Variants in ADAMTSL1 observed in about 807,000 individuals in gnomAD.
The protein encoded by ADAMTSL1 is ADAMTS-like protein 1.
In ADAMTSL1, 126 loss-of-function variants were observed where a neutral mutation model predicts 201.8. The ratio of observed to expected loss-of-function variants is 0.62; its 90% CI spans 0.54 to 0.72. The LOEUF (loss-of-function observed/expected upper bound fraction) is 0.72. ADAMTSL1 is among the 30% of genes least tolerant of loss of function. ADAMTSL1 has a pLI of 0.00. For missense variants in ADAMTSL1, 2,679 were observed against 2,277.8 expected (o/e 1.18, Z -3.59); for synonymous variants, 1,121 against 903.4 (o/e 1.24, Z -4.32).
At chr9:18,402,929 A>G (rs1488209280) in intron 2 of ADAMTSL1, among the ~76,000 whole-genome samples, 2 of 152,168 alleles carry the variant, frequency 1.3e-5, no homozygotes, top group African/African-American at 4.8e-5. Context: ...CTCAACGTGC[A>G]TTCTCATTTG....
At chr9:17,928,497 G>T (rs1826645231) in intron 1 of ADAMTSL1, among the ~76,000 whole-genome samples, 1 of 152,156 alleles carries the variant, frequency 6.6e-6, no homozygotes, top group African/African-American at 2.4e-5. Context: ...CAGAGCCAAG[G>T]AGGATTCTTG....
intron 2 of ADAMTSL1, among the ~76,000 whole-genome samples, chr9:18,191,972 G>A (rs921697139): frequency 1.3e-5 from 2 of 152,232 alleles, no homozygotes; most frequent in African/African-American, 2.4e-5. Context: ...TCTGATAAGT[G>A]CAATTAAGAT....
intron 2 of ADAMTSL1, among the ~76,000 whole-genome samples, chr9:18,510,522 C>G (rs554152972): frequency 1.3e-5 from 2 of 152,216 alleles, no homozygotes; most frequent in East Asian, 3.9e-4. Flanking sequence ...TACCCTTTTT[C>G]TGAGGTTTGC....
rs1163393020 is a variant in ADAMTSL1, at chr9:18,718,094, T to A, written c.1877-3442T>A. On this transcript the variant is annotated intron_variant, in intron 14 of 28. Coordinates refer to ENST00000380548, the MANE Select transcript of ADAMTSL1 (RefSeq NM_001040272.6). The stretch of plus-strand genomic sequence containing the variant: ...ATTTATTTTGAATTTTGTAGAAGAA[T>A]CTAAGAATGCACAGTTGTTCCATTG... 2.3e-6 allele frequency: 3 copies of A among 1,332,664 alleles called. No individual in the cohort carries two copies. The African/African-American group carries it at 4.3e-5, about 19-fold the overall frequency. The allele number at this position is 1,332,664 out of a possible 1,614,324, so 82.6% of individuals were successfully genotyped here.
At chr9:18,315,214 T>C (rs114322485) in intron 2 of ADAMTSL1, among the ~76,000 whole-genome samples, 2,852 of 152,186 alleles carry the variant, frequency 0.019, 44 homozygotes, top group African/African-American at 0.051. Flanking sequence ...TTGACAAATC[T>C]TGAGCTAGAC....
At chr9:18,344,216 T>A (rs1835597700) in intron 2 of ADAMTSL1, among the ~76,000 whole-genome samples, 1 of 152,124 alleles carries the variant, frequency 6.6e-6, no homozygotes, top group South Asian at 2.1e-4. Context: ...GCTCTAATGA[T>A]TTTTTTCATT....
intron 17 of ADAMTSL1, among the ~76,000 whole-genome samples, chr9:18,771,735 G>GTTTTTTTTTTTTTTA (rs754025785): frequency 8.6e-6 from 1 of 116,632 alleles, no homozygotes; most frequent in Non-Finnish European, 1.7e-5. Context: ...TTTTTTTTTG[G>GTTTTTTTTTTTTTTA]ATAGTATACA....
intron 8 of ADAMTSL1, among the ~76,000 whole-genome samples, chr9:18,658,962 C>T (rs945407587): frequency 9.2e-5 from 14 of 152,244 alleles, no homozygotes; most frequent in African/African-American, 2.6e-4. Flanking sequence ...CAAATTCTTT[C>T]CAGAAGGATA....
intron 2 of ADAMTSL1, among the ~76,000 whole-genome samples, chr9:18,445,628 A>T (rs1198561153): frequency 6.6e-6 from 1 of 152,202 alleles, no homozygotes; most frequent in Non-Finnish European, 1.5e-5. Flanking sequence ...TACACCAAAA[A>T]AGAAAATACT....
At chr9:18,070,264 G>A (rs1248767295) in intron 1 of ADAMTSL1, among the ~76,000 whole-genome samples, 1 of 152,212 alleles carries the variant, frequency 6.6e-6, no homozygotes, top group Non-Finnish European at 1.5e-5. Flanking sequence ...GGAGTGGATA[G>A]CCAGTCCTTC....
chr9:18,313,167 C>G (rs576648920), intron 2 of ADAMTSL1, among the ~76,000 whole-genome samples: 1 of 152,318 alleles, frequency 6.6e-6, no homozygotes, highest in Admixed American at 6.5e-5. Context: ...GGGTAAGGCC[C>G]AATAACTTGC....
At chr9:18,599,518 C>G (rs1824487656) in intron 4 of ADAMTSL1, among the ~76,000 whole-genome samples, 1 of 152,132 alleles carries the variant, frequency 6.6e-6, no homozygotes, top group African/African-American at 2.4e-5. Context: ...AAAACATGCT[C>G]TCTTAGGCAG....
intron 2 of ADAMTSL1, among the ~76,000 whole-genome samples, chr9:18,337,277 G>A (rs977910338): frequency 5.9e-5 from 9 of 152,252 alleles, no homozygotes; most frequent in Non-Finnish European, 7.4e-5. Context: ...TTTGCCAGGG[G>A]CTCTAGGGCC....
intron 2 of ADAMTSL1, among the ~76,000 whole-genome samples, chr9:18,377,440 CATTGTTTAACTT>C (rs1278640882): frequency 6.6e-6 from 1 of 152,194 alleles, no homozygotes; most frequent in Non-Finnish European, 1.5e-5. Context: ...AAACTTAAAT[CATTGTTTAACTT>C]AAATTCATTA....
chr9:18,654,716 A>G (rs1828515473), intron 7 of ADAMTSL1, among the ~76,000 whole-genome samples: 2 of 152,382 alleles, frequency 1.3e-5, no homozygotes, highest in African/African-American at 4.8e-5. Context: ...AGGATACAGT[A>G]TCTCTGTCAA....
chr9:17,951,483 G>A (rs1181823921), intron 1 of ADAMTSL1, among the ~76,000 whole-genome samples: 2 of 152,036 alleles, frequency 1.3e-5, no homozygotes, highest in Non-Finnish European at 2.9e-5. Context: ...TGCTATTTTT[G>A]CCAAAATGGT....
At chr9:18,637,241 A>C (rs1267345489) in intron 6 of ADAMTSL1, among the ~76,000 whole-genome samples, 1 of 152,130 alleles carries the variant, frequency 6.6e-6, no homozygotes, top group African/African-American at 2.4e-5. Flanking sequence ...ATGTCAAAAG[A>C]TAATGTATGT....
chr9:18,553,376 C>G (rs1820911063), intron 3 of ADAMTSL1, among the ~76,000 whole-genome samples: 1 of 151,632 alleles, frequency 6.6e-6, no homozygotes, highest in African/African-American at 2.4e-5. Context: ...TCTTCAAACA[C>G]TTTAGCTCTG....
chr9:17,946,142 C>G (rs1448358026), intron 1 of ADAMTSL1, among the ~76,000 whole-genome samples: 2 of 150,218 alleles, frequency 1.3e-5, no homozygotes, highest in South Asian at 2.1e-4. Context: ...TAGCATCTCT[C>G]ATGACCACCA....
Sources: gnomAD v4.1 joint callset for allele counts (sites outside exome capture counted in the v4.1 genomes callset) on GRCh38, gnomAD v4.1.1 for gene constraint, MANE v1.5 for transcripts, NCBI Gene and HGNC (gene_info 2026-07-23, HGNC 2026-07-21) for gene names.